Variants in DCDC2 observed in about 807,000 individuals in gnomAD.
The protein encoded by DCDC2 is doublecortin domain-containing protein 2.
DCDC2 carries 40 observed loss-of-function variants against 50.2 expected under a neutral mutation model. The ratio of observed to expected loss-of-function variants is 0.80; its 90% confidence interval spans 0.62 to 1.04. The LOEUF is 1.04. Among genes scored for constraint, DCDC2 ranks in the 50% least tolerant of loss-of-function variants. The pLI, the probability that DCDC2 is intolerant of heterozygous loss-of-function variation, is 0.00. For synonymous variants in DCDC2, 234 were observed against 210.6 expected (o/e 1.11, Z -0.96); for missense variants, 570 against 581.9 (o/e 0.98, Z 0.21).
intron 7 of DCDC2, among the ~76,000 whole-genome samples, chr6:24,269,893 A>C (rs1036137892): frequency 3.3e-5 from 5 of 152,136 alleles, no homozygotes; most frequent in Non-Finnish European, 5.9e-5. Flanking sequence ...CAGACTGCTA[A>C]AGAGAAAAAC....
chr6:24,205,448 C>A, intron 7 of DCDC2: 1 of 1,041,834 alleles, frequency 9.6e-7, no homozygotes, highest in South Asian at 2.0e-5. Context: ...CTCCTATTCA[C>A]AAAACAGTGA....
rs190339425 is a variant in DCDC2 at position 24,185,316 on chromosome 6, C to T, written c.1024-6684G>A. On this transcript the variant is annotated intron_variant, in intron 8 of 9. Coordinates refer to ENST00000378454, the MANE Select transcript of DCDC2 (RefSeq NM_016356.5). ...TCCCATTATTTCTATTAGACTTTCC[C>T]GGCACAGCTATTTTAGTAGTCATCA... Among the ~76,000 whole-genome samples the T allele has an allele frequency of 4.6e-5, 7 of 152,268 alleles. No homozygotes were observed. In the East Asian group the frequency reaches 5.8e-4, roughly 13 times the overall value.
At chr6:24,198,886 C>T (rs1015976418) in intron 8 of DCDC2, among the ~76,000 whole-genome samples, 1 of 152,178 alleles carries the variant, frequency 6.6e-6, no homozygotes, top group South Asian at 2.1e-4. Context: ...GTAAACGAAG[C>T]CACGGGGAGC....
chr6:24,352,360 GC>G (rs1481184084), intron 2 of DCDC2, among the ~76,000 whole-genome samples: 1 of 152,000 alleles, frequency 6.6e-6, no homozygotes, highest in Non-Finnish European at 1.5e-5. Context: ...TCACAACACT[GC>G]CCTTTATTAC....
Position 24,307,556 on chromosome 6 carries a change from T to C in DCDC2, c.349-5512A>G, listed in dbSNP as rs556220134. Among the ~76,000 whole-genome samples the C allele has an allele frequency of 2.0e-5, 3 of 152,282 alleles. No homozygotes were observed. In the South Asian group the frequency reaches 6.2e-4, roughly 32 times the overall value. ...AAAATGGTAATTTTAGAGGAAACTG[T>C]TACTACTTAGCAAACAGCACACAGC... On this transcript the variant is annotated intron_variant, in intron 2 of 9. Transcript: ENST00000378454.
chr6:24,218,679 AG>A (rs1762032671), intron 7 of DCDC2, among the ~76,000 whole-genome samples: 1 of 152,090 alleles, frequency 6.6e-6, no homozygotes, highest in African/African-American at 2.4e-5. Flanking sequence ...TGTAGAGATG[AG>A]GTCTCCCTAC....
rs1237059249 is a variant in DCDC2 at position 24,204,988 on chromosome 6, G to T, written c.1023+14C>A. The T allele has an allele frequency of 3.1e-6, 5 of 1,604,718 alleles. No individual in the cohort carries two copies. Among genetic ancestry groups the T allele is most frequent in the Non-Finnish European group, 3.4e-6 (4 of 1,175,144 alleles). On this transcript the variant is annotated intron_variant, in intron 8 of 9. Transcript: ENST00000378454. ...TAATTGTCTTACACATATTTTTTAA[G>T]GCATGGAGATTACCTGATCGACTGG...
intron 7 of DCDC2, among the ~76,000 whole-genome samples, chr6:24,226,333 A>G (rs141493366): frequency 4.9e-4 from 75 of 152,368 alleles, no homozygotes; most frequent in Non-Finnish European, 7.8e-4. Context: ...TAGTACCATA[A>G]GAAAAGAATG....
chr6:24,302,043 A>C lies in DCDC2; in HGVS notation c.350T>G (p.Val117Gly). 1 of 1,607,882 alleles carries C rather than the reference A, an allele frequency of 6.2e-7. No individual in the cohort carries two copies. The highest frequency in any genetic ancestry group is 8.5e-7 in the Non-Finnish European group (1 of 1,178,344). The change falls in exon 3 of 10, where the codon GTA (valine) becomes GGA (glycine). Residue 117 changes from valine to glycine, a missense_variant and splice_region_variant. Coordinates refer to ENST00000378454, the MANE Select transcript of DCDC2 (RefSeq NM_016356.5). ...KRPMEVVNTE[V>G]KPVIHSRINV... is the part of the protein sequence containing the mutation. ...GATCCTGCTATGGATTACTGGTTTT[A>C]CCTTTAAAAGCAAAGGAAAAAAAAT...
upstream of DCDC2, among the ~76,000 whole-genome samples, chr6:24,359,516 A>G (rs1436880938): frequency 9.7e-6 from 1 of 102,884 alleles, no homozygotes; most frequent in Admixed American, 1.6e-4. Context: ...TATATATTAT[A>G]TATATTTTAT....
Position 24,357,596 on chromosome 6 carries a change from G to C in DCDC2, c.155C>G (p.Thr52Ser). The change falls in exon 1 of 10, where the codon ACC becomes AGC. Residue 52 changes from threonine to serine, a missense_variant. By Grantham distance (58) the Thr-to-Ser change is moderately conservative. Coordinates refer to ENST00000378454, the MANE Select transcript of DCDC2 (RefSeq NM_016356.5). ...CCCAAAGGGTGCCTGAACGCCGCCG[G>C]TCACCTCCTTCAGGAAGACTTCGAA... ...SSFEVFLKEV[T>S]GGVQAPFGAV... 6.2e-7 allele frequency: 1 copy of C among 1,613,470 alleles called. No individual in the cohort carries two copies. The highest frequency in any genetic ancestry group is 8.5e-7 in the Non-Finnish European group (1 of 1,180,036).
At chr6:24,343,905 G>A (rs80025438) in intron 2 of DCDC2, among the ~76,000 whole-genome samples, 4,113 of 152,124 alleles carry the variant, frequency 0.027, 88 homozygotes, top group South Asian at 0.055. Flanking sequence ...ATATGGGCAC[G>A]CTGTGGGATG....
chr6:24,365,027 A>T, the DCDC2 span, among the ~76,000 whole-genome samples: 1 of 152,206 alleles, frequency 6.6e-6, no homozygotes. Context: ...TCTTGGACCT[A>T]CACATGGGTA....
At chr6:24,299,272 T>G (rs373654101) in intron 4 of DCDC2, among the ~76,000 whole-genome samples, 1 of 152,120 alleles carries the variant, frequency 6.6e-6, no homozygotes. Context: ...CACTAGTAAG[T>G]GGGAGCTTAA....
At chr6:24,358,350 C>G (rs184911892), upstream of DCDC2, 1 of 169,132 alleles carries the variant, frequency 5.9e-6, no homozygotes, top group Admixed American at 6.4e-5. Flanking sequence ...GTGGCTTACG[C>G]CTGCAAATTC....
intron 4 of DCDC2, 25 bp from the exon 5 acceptor site, chr6:24,291,103 A>G (rs953650329): frequency 1.3e-6 from 2 of 1,596,894 alleles, no homozygotes; most frequent in African/African-American, 2.7e-5. Flanking sequence ...AACACCAACA[A>G]TTAGAATTTT....
Position 24,292,387 on chromosome 6 carries a change from A to T in DCDC2, c.558-1309T>A, listed in dbSNP as rs375656397. Among the ~76,000 whole-genome samples the T allele has an allele frequency of 5.8e-4, 88 of 152,246 alleles. 1 individual carries two copies. The South Asian group carries it at 6.4e-3, about 11-fold the overall frequency. ...ACCTGTCAGCTTGTTTCCTGATGAC[A>T]TAAATGGCCATATCATACAGAACCA... On this transcript the variant is annotated intron_variant, in intron 4 of 9. Transcript: ENST00000378454.
chr6:24,381,959 AGAAGGAAGGAAGGAAG>A, the DCDC2 span, among the ~76,000 whole-genome samples: 3 of 103,706 alleles, frequency 2.9e-5, no homozygotes, highest in East Asian at 5.7e-4. Context: ...AAGGAAAGAA[AGAAGGAAGGAAGGAAG>A]GAAGGAAGGA....
At chr6:24,330,656 A>T (rs879334595) in intron 2 of DCDC2, among the ~76,000 whole-genome samples, 1 of 152,212 alleles carries the variant, frequency 6.6e-6, no homozygotes, top group Non-Finnish European at 1.5e-5. Context: ...GTATGTTCAC[A>T]CAGGATCCCA....
Sources: gnomAD v4.1 joint callset for allele counts (sites outside exome capture counted in the v4.1 genomes callset) on GRCh38, gnomAD v4.1.1 for gene constraint, MANE v1.5 for transcripts, NCBI Gene and HGNC (gene_info 2026-07-23, HGNC 2026-07-21) for gene names.